The following MEGF11 variants were observed in gnomAD, a reference collection of about 807,000 sequenced individuals.
MEGF11 encodes multiple EGF like domains 11, also known as multiple epidermal growth factor-like domains protein 11.
In MEGF11, 126 loss-of-function variants were observed where a neutral mutation model predicts 146.6. The observed-to-expected ratio is 0.86, with a 90% CI of 0.74 to 1.00. The LOEUF is 1.00. MEGF11 is among the 50% of genes least tolerant of loss of function. MEGF11 has a pLI of 0.00. For missense variants in MEGF11, 1,509 were observed against 1,521.2 expected (o/e 0.99, Z 0.13); for synonymous variants, 532 against 583.4 (o/e 0.91, Z 1.27).
At chr15:66,045,819 C>T (rs1349562249) in intron 5 of MEGF11, among the ~76,000 whole-genome samples, 1 of 152,114 alleles carries the variant, frequency 6.6e-6, no homozygotes, top group Non-Finnish European at 1.5e-5. Context: ...TGACTGTATC[C>T]TGGCTAGGCA....
chr15:66,230,472 G>C (rs1453786538), intron 1 of MEGF11, among the ~76,000 whole-genome samples: 1 of 152,204 alleles, frequency 6.6e-6, no homozygotes, highest in Non-Finnish European at 1.5e-5. Context: ...ACTAGAGACA[G>C]TAATAAGAAA....
At chr15:66,245,519 C>T (rs954844833) in intron 1 of MEGF11, among the ~76,000 whole-genome samples, 2 of 152,008 alleles carry the variant, frequency 1.3e-5, no homozygotes. Context: ...GTGGTCCCAG[C>T]TACCCTGGAG....
intron 5 of MEGF11, among the ~76,000 whole-genome samples, chr15:66,008,232 T>A (rs1180888001): frequency 6.6e-6 from 1 of 152,094 alleles, no homozygotes; most frequent in Non-Finnish European, 1.5e-5. Context: ...AAAGTAGAGA[T>A]GTTGTAGTTG....
intron 1 of MEGF11, among the ~76,000 whole-genome samples, chr15:66,156,874 CAGG>C (rs1464246222): frequency 3.3e-5 from 5 of 152,162 alleles, no homozygotes; most frequent in Admixed American, 3.3e-4. Context: ...TGAACTTCCC[CAGG>C]TCACAGAGCC....
intron 1 of MEGF11, among the ~76,000 whole-genome samples, chr15:66,245,953 C>G (rs1481364347): frequency 2.0e-5 from 3 of 151,824 alleles, no homozygotes; most frequent in Non-Finnish European, 4.4e-5. Context: ...AGAACATATA[C>G]AAGAAACATC....
At chr15:66,122,136 G>A (rs1445211412) in intron 3 of MEGF11, among the ~76,000 whole-genome samples, 1 of 152,048 alleles carries the variant, frequency 6.6e-6, no homozygotes, top group East Asian at 1.9e-4. Flanking sequence ...GGTGGTGGGT[G>A]CCTGTAATCC....
At chr15:66,067,245 A>G (rs2085167146) in intron 5 of MEGF11, among the ~76,000 whole-genome samples, 1 of 152,206 alleles carries the variant, frequency 6.6e-6, no homozygotes, top group Non-Finnish European at 1.5e-5. Flanking sequence ...TCTCGGGCCT[A>G]ATGTTTGACT....
chr15:66,111,088 T>C (rs568373778), intron 4 of MEGF11, among the ~76,000 whole-genome samples: 1 of 152,334 alleles, frequency 6.6e-6, no homozygotes, highest in South Asian at 2.1e-4. Flanking sequence ...CTGCCACTTA[T>C]CCATGTGGAC....
chr15:65,974,246 A>G (rs2081382662), intron 7 of MEGF11, among the ~76,000 whole-genome samples: 1 of 151,698 alleles, frequency 6.6e-6, no homozygotes, highest in African/African-American at 2.4e-5. Context: ...TCCTCCACAC[A>G]CAAGTCAGAA....
At chr15:66,249,478 C>T (rs199585716) in intron 1 of MEGF11, among the ~76,000 whole-genome samples, 39 of 152,276 alleles carry the variant, frequency 2.6e-4, no homozygotes, top group East Asian at 9.6e-4. Context: ...ATCCAATACA[C>T]GACACCTATT....
At chr15:65,917,064 G>A in intron 16 of MEGF11, 108 bp from the exon 17 acceptor site, 2 of 1,232,920 alleles carry the variant, frequency 1.6e-6, no homozygotes, top group East Asian at 2.9e-5. Flanking sequence ...AGATGGACCT[G>A]GCTGACATTT....
chr15:66,250,655 C>T (rs558702604), intron 1 of MEGF11, among the ~76,000 whole-genome samples: 3 of 152,226 alleles, frequency 2.0e-5, no homozygotes, highest in East Asian at 1.9e-4. Flanking sequence ...GCCTGTAATC[C>T]CAGCACTTTG....
At chr15:65,915,728 TGA>T in intron 18 of MEGF11, 130 bp from the exon 19 acceptor site, 1 of 1,187,228 alleles carries the variant, frequency 8.4e-7, no homozygotes, top group Non-Finnish European at 1.2e-6. Flanking sequence ...TAGCTCCTGT[TGA>T]GGAGCATTTA....
chr15:66,119,045 C>T (rs1315452917), intron 4 of MEGF11, 41 bp downstream of exon 4: 1 of 1,404,094 alleles, frequency 7.1e-7, no homozygotes, highest in Non-Finnish European at 9.8e-7. Context: ...GCCTCTCCTC[C>T]CTTCCCCACT....
intron 1 of MEGF11, among the ~76,000 whole-genome samples, chr15:66,151,994 C>T (rs2089587255): frequency 6.6e-6 from 1 of 152,248 alleles, no homozygotes. Context: ...GATGCAGCAG[C>T]ACCGCCCTTC....
rs117533296 is a variant in MEGF11, at chr15:66,084,354, C to T, written c.394+10048G>A. ...TAGATTGCAGCCCCGGACAATGCGGCGGCTTGCAGTGTGAATTTTAGCTCC... is the reference window on the plus strand; with the variant it reads ...TAGATTGCAGCCCCGGACAATGCGGTGGCTTGCAGTGTGAATTTTAGCTCC... On this transcript the variant is annotated intron_variant, in intron 5 of 25. Transcript: ENST00000395614. Among the ~76,000 whole-genome samples the T allele has an allele frequency of 9.9e-4, 150 of 152,278 alleles. 1 individual carries two copies. Among genetic ancestry groups the T allele is most frequent in the East Asian group, 4.8e-3 (25 of 5,178 alleles).
intron 5 of MEGF11, among the ~76,000 whole-genome samples, chr15:66,072,179 G>A (rs1197521023): frequency 6.6e-6 from 1 of 152,182 alleles, no homozygotes; most frequent in African/African-American, 2.4e-5. Context: ...TCATCCATTT[G>A]TAAATCCTCT....
At position 66,002,458 on chromosome 15, in the gene MEGF11, G is replaced by A. The variant is rs111546226; in HGVS notation, c.395-19970C>T. ...AGGAGAACTTGGAAATCACTACTGT[G>A]GGGGCCTGGCCTGGGCCTGAGCTTG... On this transcript the variant is annotated intron_variant, in intron 5 of 25. Transcript: ENST00000395614. Among the ~76,000 whole-genome samples the A allele has an allele frequency of 2.6e-3, 397 of 152,310 alleles. 1 individual carries two copies. Among genetic ancestry groups the A allele is most frequent in the Non-Finnish European group, 4.3e-3 (291 of 68,020 alleles).
intron 10 of MEGF11, among the ~76,000 whole-genome samples, chr15:65,952,578 C>T (rs957252745): frequency 1.3e-5 from 2 of 152,140 alleles, no homozygotes; most frequent in Admixed American, 1.3e-4. Context: ...TCTGTCTGGG[C>T]GAGGACCCTG....
Sources: gnomAD v4.1 joint callset for allele counts (sites outside exome capture counted in the v4.1 genomes callset) on GRCh38, gnomAD v4.1.1 for gene constraint, MANE v1.5 for transcripts, NCBI Gene and HGNC (gene_info 2026-07-23, HGNC 2026-07-21) for gene names.